The following VTI1A variants were observed in gnomAD, a reference collection of about 807,000 sequenced individuals.
VTI1A encodes vesicle transport through interaction with t-SNAREs 1A.
A neutral mutation model predicts 34.9 loss-of-function variants in VTI1A; 22 were observed. The observed-to-expected ratio is 0.63, with a 90% CI of 0.45 to 0.90. The LOEUF is 0.90. Ranked by LOEUF, VTI1A falls within the 40% of genes least tolerant of loss-of-function variation. The pLI, the probability that VTI1A is intolerant of heterozygous loss-of-function variation, is 0.00. For missense variants in VTI1A, 268 were observed against 275.6 expected, an observed-to-expected ratio of 0.97 and a Z score of 0.20; for synonymous variants, 87 against 97.3, an observed-to-expected ratio of 0.89 and a Z score of 0.62.
intron 5 of VTI1A, among the ~76,000 whole-genome samples, chr10:112,618,514 T>TAGAGAG (rs1418805647): frequency 2.3e-3 from 96 of 42,492 alleles, no homozygotes; most frequent in African/African-American, 5.1e-3. Flanking sequence ...TATATATATA[T>TAGAGAG]ATATATATAT....
In VTI1A at chr10:112,447,267, T is replaced by G; in HGVS notation, c.-107T>G. On this transcript the variant is annotated 5_prime_UTR_variant, in exon 1 of 8. Coordinates refer to ENST00000393077, the MANE Select transcript of VTI1A (RefSeq NM_145206.4). Reference sequence around the variant, plus strand: ...AGCTGTCCCCGGTTCTCCGTTCTGCTCTCGGGGGCACCTTCCGGGGTTCCT... The same window carrying G: ...AGCTGTCCCCGGTTCTCCGTTCTGCGCTCGGGGGCACCTTCCGGGGTTCCT... 1 of 1,236,426 alleles carries G rather than the reference T, an allele frequency of 8.1e-7. No individual in the cohort carries two copies. The highest frequency in any genetic ancestry group is 1.3e-5 in the South Asian group (1 of 75,886). The allele number at this position is 1,236,426 out of a possible 1,614,324, so 76.6% of individuals were successfully genotyped here.
At chr10:112,727,879 T>C (rs946230551) in intron 7 of VTI1A, among the ~76,000 whole-genome samples, 2 of 152,162 alleles carry the variant, frequency 1.3e-5, no homozygotes, top group Non-Finnish European at 2.9e-5. Flanking sequence ...AAATCTGTTC[T>C]TTGAAAATCT....
chr10:112,654,536 A>T (rs1847156742), intron 5 of VTI1A, among the ~76,000 whole-genome samples: 1 of 152,086 alleles, frequency 6.6e-6, no homozygotes, highest in South Asian at 2.1e-4. Context: ...ACTGTCACCG[A>T]GGCTGGAGTG....
At chr10:112,469,242 C>T (rs1194723837) in intron 3 of VTI1A, among the ~76,000 whole-genome samples, 2 of 152,100 alleles carry the variant, frequency 1.3e-5, no homozygotes, top group East Asian at 3.8e-4. Flanking sequence ...TAGAACAGCA[C>T]AGCTCAACCT....
intron 7 of VTI1A, among the ~76,000 whole-genome samples, chr10:112,814,347 C>T (rs1035405822): frequency 5.9e-5 from 9 of 152,158 alleles, no homozygotes; most frequent in Non-Finnish European, 1.3e-4. Flanking sequence ...GGCTAGACTG[C>T]CAGCCAGCTC....
At chr10:112,688,287 A>G (rs1848495601) in intron 7 of VTI1A, among the ~76,000 whole-genome samples, 1 of 151,994 alleles carries the variant, frequency 6.6e-6, no homozygotes, top group African/African-American at 2.4e-5. Context: ...TTACACAAAT[A>G]GTAACGTCAA....
At position 112,488,910 on chromosome 10, in the gene VTI1A, A is replaced by T. The variant is rs925646105; in HGVS notation, c.264+24253A>T. Among the ~76,000 whole-genome samples, 6 of 152,344 alleles carry T rather than the reference A, an allele frequency of 3.9e-5. No homozygotes were observed. In the South Asian group the frequency reaches 1.2e-3, roughly 32 times the overall value. ...TTTTTTTTAATTAAAGGAAAAAAAG[A>T]TGATAGTAAACTCTTTGATGTCATC... On this transcript the variant is annotated intron_variant, in intron 3 of 7. Transcript: ENST00000393077.
intron 7 of VTI1A, among the ~76,000 whole-genome samples, chr10:112,798,333 G>A (rs1183832312): frequency 6.6e-6 from 1 of 152,176 alleles, no homozygotes; most frequent in Non-Finnish European, 1.5e-5. Flanking sequence ...TGTTCCCTTT[G>A]CTGAGGACCT....
At chr10:112,843,721 C>A in the VTI1A span, among the ~76,000 whole-genome samples, 1 of 152,168 alleles carries the variant, frequency 6.6e-6, no homozygotes, top group Non-Finnish European at 1.5e-5. Context: ...CCTCCTGGAA[C>A]TCTGCTCTTC....
At position 112,668,833 on chromosome 10, in the gene VTI1A, T is replaced by G. The variant is rs946521870; in HGVS notation, c.499-104T>G. The G allele has an allele frequency of 1.6e-5, 20 of 1,247,630 alleles. No homozygotes were observed. In the African/African-American group the frequency reaches 2.7e-4, roughly 17 times the overall value. The allele number at this position is 1,247,630 out of a possible 1,614,324, so 77.3% of individuals were successfully genotyped here. On this transcript the variant is annotated intron_variant, in intron 6 of 7. Transcript: ENST00000393077. ...ATTTATTTTTGTGTATTTGAACATT[T>G]TTATTGTTTGGATTTTCTATCATGA...
At chr10:112,801,728 C>A (rs1442981569) in intron 7 of VTI1A, among the ~76,000 whole-genome samples, 1 of 152,210 alleles carries the variant, frequency 6.6e-6, no homozygotes, top group African/African-American at 2.4e-5. Context: ...CTGTCTCATA[C>A]TCTTTGGTGA....
At chr10:112,624,437 C>T (rs1242501801) in intron 5 of VTI1A, among the ~76,000 whole-genome samples, 1 of 152,032 alleles carries the variant, frequency 6.6e-6, no homozygotes, top group Non-Finnish European at 1.5e-5. Context: ...TTTTAATATA[C>T]ATTTTCATTT....
intron 7 of VTI1A, among the ~76,000 whole-genome samples, chr10:112,758,510 C>T (rs1167788046): frequency 1.3e-5 from 2 of 150,196 alleles, no homozygotes; most frequent in African/African-American, 4.8e-5. Flanking sequence ...TTAAATGCAC[C>T]CCAAAGTGAT....
chr10:112,793,386 T>A (rs985742746), intron 7 of VTI1A, among the ~76,000 whole-genome samples: 1 of 152,216 alleles, frequency 6.6e-6, no homozygotes, highest in Non-Finnish European at 1.5e-5. Context: ...GGCTGTATAC[T>A]GGCCTAATAA....
At chr10:112,505,445 C>T (rs1849393901) in intron 3 of VTI1A, among the ~76,000 whole-genome samples, 1 of 152,056 alleles carries the variant, frequency 6.6e-6, no homozygotes. Flanking sequence ...GGTTTTACCT[C>T]TTCCCTTCCA....
At chr10:112,487,979 A>G (rs1025659744) in intron 3 of VTI1A, among the ~76,000 whole-genome samples, 1 of 151,658 alleles carries the variant, frequency 6.6e-6, no homozygotes, top group Non-Finnish European at 1.5e-5. Flanking sequence ...GAAAACAGTG[A>G]TAATTATGCA....
chr10:112,486,283 C>G (rs1303363493), intron 3 of VTI1A, among the ~76,000 whole-genome samples: 1 of 152,154 alleles, frequency 6.6e-6, no homozygotes, highest in Non-Finnish European at 1.5e-5. Context: ...CACCAACTAC[C>G]TTTGAGAATT....
intron 5 of VTI1A, among the ~76,000 whole-genome samples, chr10:112,588,596 G>A (rs1383774206): frequency 5.3e-5 from 8 of 152,162 alleles, no homozygotes; most frequent in Non-Finnish European, 1.2e-4. Flanking sequence ...AAAGAAGGAC[G>A]AGGCTATGTT....
chr10:112,535,179 T>G (rs1446554662), intron 4 of VTI1A, among the ~76,000 whole-genome samples: 2 of 152,250 alleles, frequency 1.3e-5, no homozygotes, highest in African/African-American at 4.8e-5. Context: ...GAATTCATGT[T>G]TCTGAAACTG....
Sources: gnomAD v4.1 joint callset for allele counts (sites outside exome capture counted in the v4.1 genomes callset) on GRCh38, gnomAD v4.1.1 for gene constraint, MANE v1.5 for transcripts, NCBI Gene and HGNC (gene_info 2026-07-23, HGNC 2026-07-21) for gene names.